The following ARHGAP4 variants were observed in gnomAD, a reference collection of about 807,000 sequenced individuals.
ARHGAP4 encodes rho GTPase-activating protein 4.
A neutral mutation model predicts 67.6 loss-of-function variants in ARHGAP4; 25 were observed. That is an observed-to-expected ratio of 0.37 (90% CI 0.27 to 0.52). The LOEUF is 0.52. Ranked by LOEUF, ARHGAP4 falls within the 20% of genes least tolerant of loss-of-function variation. The pLI is 0.92. For synonymous variants in ARHGAP4, 448 were observed against 373.7 expected, an observed-to-expected ratio of 1.20 and a Z score of -2.29; for missense variants, 804 against 854.6, an observed-to-expected ratio of 0.94 and a Z score of 0.74.
chrX:153,922,039 C>A (rs2065099103), intron 1 of ARHGAP4: 1 of 963,429 alleles, frequency 1.0e-6, no homozygotes. Context: ...CTGAGGCCAA[C>A]AGATGGCCAG....
Position 153,910,701 on chromosome X carries a change from C to T in ARHGAP4, c.1815G>A (p.Ser605=), listed in dbSNP as rs782391512. 9.2e-6 allele frequency: 11 copies of T among 1,192,532 alleles called. No homozygotes were observed. The highest frequency in any genetic ancestry group is 4.6e-5 in the Admixed American group (2 of 43,949). Reference sequence around the variant, plus strand: ...GCCAGCCTCAGGCCCCAGCCTCACCCGAAGAAGCCAGCAGCTCGCCGAACA... The same window carrying T: ...GCCAGCCTCAGGCCCCAGCCTCACCTGAAGAAGCCAGCAGCTCGCCGAACA... ...PDLFGELLAS[S]ELEATAERVE... Residue 605 remains serine (S), a splice_region_variant and synonymous_variant, in exon 15 of 22, where the codon TCG becomes TCA. Coordinates refer to ENST00000350060, the MANE Select transcript of ARHGAP4 (RefSeq NM_001666.5).
rs782744253 is a variant in ARHGAP4 at position 153,907,700 on chromosome X, C to T, written c.*29G>A. On this transcript the variant is annotated 3_prime_UTR_variant, in exon 22 of 22. Coordinates refer to ENST00000350060, the MANE Select transcript of ARHGAP4 (RefSeq NM_001666.5). ...AGTGGCCGGTCCAGCGGGTAGCCGC[C>T]GGGGGCACGCATCTCCAGCAGCGGC... The T allele has an allele frequency of 8.3e-5, 70 of 840,651 alleles. No homozygotes were observed. The African/African-American group carries it at 9.9e-4, about 12-fold the overall frequency. 69.3% of individuals were successfully genotyped at this position (840,651 alleles called of 1,213,427 possible). A position where few individuals can be genotyped will look rare whatever the true frequency, so the allele number is the denominator to read the frequency against.
chrX:153,918,904 C>T lies in ARHGAP4; in HGVS notation c.960G>A (p.Lys320=), dbSNP rs1557104636. The change falls in exon 7 of 22, where the codon AAG becomes AAA. Residue 320 remains lysine (K), a synonymous_variant. Coordinates refer to ENST00000350060, the MANE Select transcript of ARHGAP4 (RefSeq NM_001666.5). ...EALDPPGDKA[K]VLEVHATVFC... ...AGACGGTAGCATGCACCTCGAGAAC[C>T]TTGGCTTTGTCCCCTGGAGGATCCA... 2 of 1,212,301 alleles carry T rather than the reference C, an allele frequency of 1.6e-6. No individual in the cohort carries two copies. Among genetic ancestry groups the T allele is most frequent in the South Asian group, 1.8e-5 (1 of 57,013 alleles).
chrX:153,914,833 C>T (rs1381416034), intron 7 of ARHGAP4, among the ~76,000 whole-genome samples: 2 of 112,317 alleles, frequency 1.8e-5, no homozygotes, highest in African/African-American at 6.5e-5. Context: ...CATAAATTTC[C>T]CTGTGGCAAG....
At chrX:153,909,698 G>A (rs782708978) in intron 19 of ARHGAP4, 43 bp downstream of exon 19, 8 of 1,141,080 alleles carry the variant, frequency 7.0e-6, no homozygotes, top group Non-Finnish European at 9.3e-6. Flanking sequence ...GGATGAAGGG[G>A]AGACTCCGGG....
In ARHGAP4 at chrX:153,913,144, G is replaced by A. The variant is rs112925383; in HGVS notation, c.1411+74C>T. On this transcript the variant is annotated intron_variant, in intron 10 of 21. Transcript: ENST00000350060. Reference sequence around the variant, plus strand: ...GTGTGGATAAGAGCCAAGGACAGGCGGGAGGGGAGGACCGTGGGCTAGACA... The same window carrying A: ...GTGTGGATAAGAGCCAAGGACAGGCAGGAGGGGAGGACCGTGGGCTAGACA... 1.1e-3 allele frequency: 1,250 copies of A among 1,155,864 alleles called. 7 individuals carry two copies. In the African/African-American group the frequency reaches 0.02, roughly 18 times the overall value.
rs1207599898 is a variant in ARHGAP4, at chrX:153,912,636, T to G, written c.1542+64A>C. ...CAGGCAGCTGCTCCGGCCACTGAGG[T>G]GACCCAGAGCTGAAGAAAGATCAGC... On this transcript the variant is annotated intron_variant, in intron 12 of 21. Coordinates refer to ENST00000350060, the MANE Select transcript of ARHGAP4 (RefSeq NM_001666.5). 3.1e-6 allele frequency: 3 copies of G among 981,693 alleles called. No homozygotes were observed. The African/African-American group carries it at 5.8e-5, about 19-fold the overall frequency. The allele number at this position is 981,693 out of a possible 1,213,427, so 80.9% of individuals were successfully genotyped here.
chrX:153,921,583 C>G (rs1557105353), intron 2 of ARHGAP4, 22 bp downstream of exon 2: 2 of 1,206,509 alleles, frequency 1.7e-6, no homozygotes, highest in Admixed American at 4.4e-5. Context: ...TGCCGTGGCC[C>G]CCCTGCCAGC....
intron 7 of ARHGAP4, 41 bp from the exon 8 acceptor site, chrX:153,913,920 G>A (rs782782904): frequency 8.7e-7 from 1 of 1,144,457 alleles, no homozygotes; most frequent in Non-Finnish European, 1.2e-6. Context: ...GCTGGGCTTG[G>A]GCAGTAGGTG....
chrX:153,925,738 C>T (rs1478449916), intron 1 of ARHGAP4, among the ~76,000 whole-genome samples: 3 of 111,973 alleles, frequency 2.7e-5, no homozygotes, highest in Non-Finnish European at 5.6e-5. Flanking sequence ...CACCAATCCA[C>T]TCACCCGGAC....
intron 3 of ARHGAP4, 102 bp from the exon 4 acceptor site, chrX:153,921,261 T>G: frequency 8.5e-7 from 1 of 1,179,649 alleles, no homozygotes; most frequent in East Asian, 3.1e-5. Flanking sequence ...GCACACAGGT[T>G]CGCTCTGCCT....
intron 8 of ARHGAP4, 63 bp downstream of exon 8, chrX:153,913,715 A>C: frequency 1.7e-6 from 2 of 1,176,235 alleles, no homozygotes; most frequent in Admixed American, 4.5e-5. Flanking sequence ...AGCCACTTCC[A>C]ACAGCAGGCT....
rs782035595 is a variant in ARHGAP4 at position 153,910,761 on chromosome X, G to A, written c.1755C>T (p.Phe585=). 8.4e-7 allele frequency: 1 copy of A among 1,193,893 alleles called. No homozygotes were observed. Among genetic ancestry groups the A allele is most frequent in the Non-Finnish European group, 1.1e-6 (1 of 886,604 alleles). ...GGAAGAGTGGGGGCTCCAGGCTCCG[G>A]AAGTAGAGCTTCAGCACCCCGGCCA... ...DSVAGVLKLY[F]RSLEPPLFPP... Residue 585 remains phenylalanine, a synonymous_variant, in exon 15 of 22, where the codon TTC becomes TTT. Transcript: ENST00000350060.
intron 7 of ARHGAP4, among the ~76,000 whole-genome samples, chrX:153,918,299 G>A (rs1432957046): frequency 1.8e-5 from 2 of 109,533 alleles, no homozygotes; most frequent in Middle Eastern, 4.6e-3. Context: ...GCTTGACACC[G>A]GGAGGTGGGT....
chrX:153,909,581 C>T (rs368494233), intron 19 of ARHGAP4, 46 bp from the exon 20 acceptor site: 51 of 1,065,601 alleles, frequency 4.8e-5, no homozygotes, highest in South Asian at 3.1e-4. Flanking sequence ...CTTCCCTGCA[C>T]GGGGTCCAGG....
rs1557102347 is a variant in ARHGAP4, at chrX:153,909,784, T to C, written c.2371A>G (p.Met791Val). The C allele has an allele frequency of 1.7e-6, 2 of 1,201,646 alleles. No individual in the cohort carries two copies. The highest frequency in any genetic ancestry group is 3.0e-5 in the East Asian group (1 of 33,559). The stretch of plus-strand genomic sequence containing the variant: ...TACTTGTGGGGGATGAGGCCCCGCA[T>C]GCCGTTGTGCTCCCCCCGCCACCAG... ...SDWWRGEHNG[M>V]RGLIPHKYIT... Residue 791 changes from methionine to valine, a missense_variant, in exon 19 of 22, where the codon ATG becomes GTG. Met to Val is a conservative substitution (Grantham distance 21, BLOSUM62 1). This residue lies in a region of ARHGAP4 where 400 missense variants were observed against 348.7 expected (regional missense o/e 1.15). Coordinates refer to ENST00000350060, the MANE Select transcript of ARHGAP4 (RefSeq NM_001666.5).
intron 1 of ARHGAP4, chrX:153,922,339 G>C (rs1210305293): frequency 4.0e-6 from 3 of 759,243 alleles, no homozygotes; most frequent in Non-Finnish European, 4.7e-6. Flanking sequence ...TCAGGCCCCA[G>C]GGGAAAGGAC....
In ARHGAP4 at chrX:153,926,160, C is replaced by T. The variant is rs2065126929; in HGVS notation, c.43G>A (p.Ala15Thr). ...GKLRRERGLQ[A>T]EYETQVKEMR... ...CCTTTGACTTGCGTCTCATACTCAG[C>T]CTGCAGCCCCCGCTCCCGCCGCAGC... The change falls in exon 1 of 22, where the codon GCT becomes ACT. Residue 15 changes from alanine (A) to threonine (T), a missense_variant. This residue lies in a region of ARHGAP4 where 404 missense variants were observed against 505.9 expected (regional missense o/e 0.80). Transcript: ENST00000350060. 8.3e-7 allele frequency: 1 copy of T among 1,202,019 alleles called. No homozygotes were observed. Among genetic ancestry groups the T allele is most frequent in the Non-Finnish European group, 1.1e-6 (1 of 891,131 alleles).
intron 4 of ARHGAP4, 142 bp from the exon 5 acceptor site, chrX:153,920,950 A>G (rs931406606): frequency 1.1e-4 from 92 of 875,594 alleles, no homozygotes; most frequent in Admixed American, 4.0e-4. Flanking sequence ...CCCTGTGCCT[A>G]GGGAGAGAGG....
Sources: gnomAD v4.1 joint callset for allele counts (sites outside exome capture counted in the v4.1 genomes callset) on GRCh38, gnomAD v4.1.1 for gene constraint, gnomAD v4.1.1 regional missense constraint, MANE v1.5 for transcripts, NCBI Gene and HGNC (gene_info 2026-07-23, HGNC 2026-07-21) for gene names.